Variants in SWT1 observed in about 807,000 individuals in gnomAD.
SWT1 encodes transcriptional protein SWT1.
In SWT1, 33 loss-of-function variants were observed where a neutral mutation model predicts 107.3. The ratio of observed to expected loss-of-function variants is 0.31; its 90% confidence interval spans 0.23 to 0.41. The LOEUF (loss-of-function observed/expected upper bound fraction) is 0.41, where lower values mean the gene tolerates loss of function less well. Ranked by LOEUF, SWT1 falls within the 10% of genes least tolerant of loss-of-function variation. SWT1 has a pLI of 1.00. For missense variants in SWT1, 898 were observed against 1,028.9 expected (o/e 0.87, Z 1.74); for synonymous variants, 345 against 348.3 (o/e 0.99, Z 0.11).
intron 16 of SWT1, among the ~76,000 whole-genome samples, chr1:185,247,686 T>G (rs1398800725): frequency 6.6e-6 from 1 of 152,154 alleles, no homozygotes; most frequent in Non-Finnish European, 1.5e-5. Context: ...GAAGGCTGAG[T>G]GCATTGTTCT....
At chr1:185,265,993 C>G (rs1663343591) in intron 16 of SWT1, among the ~76,000 whole-genome samples, 1 of 151,974 alleles carries the variant, frequency 6.6e-6, no homozygotes, top group Non-Finnish European at 1.5e-5. Flanking sequence ...TTATTCAGTT[C>G]TGTGGGTTGT....
At chr1:185,183,227 T>G (rs1656174015) in intron 7 of SWT1, among the ~76,000 whole-genome samples, 1 of 152,140 alleles carries the variant, frequency 6.6e-6, no homozygotes, top group Admixed American at 6.6e-5. Context: ...ATCCTCAAAA[T>G]GGTCCTATGC....
intron 9 of SWT1, among the ~76,000 whole-genome samples, chr1:185,185,218 C>A (rs562386566): frequency 6.6e-6 from 1 of 152,048 alleles, no homozygotes; most frequent in Non-Finnish European, 1.5e-5. Flanking sequence ...TTTAAAAATA[C>A]CATTGCTGAG....
chr1:185,198,125 C>T (rs1386455506), intron 10 of SWT1, among the ~76,000 whole-genome samples: 2 of 152,140 alleles, frequency 1.3e-5, no homozygotes, highest in Non-Finnish European at 2.9e-5. Context: ...CCCAGAGATT[C>T]TGTAACATTG....
intron 12 of SWT1, among the ~76,000 whole-genome samples, chr1:185,206,063 A>G (rs1399614490): frequency 5.3e-5 from 8 of 151,806 alleles, no homozygotes; most frequent in African/African-American, 1.7e-4. Context: ...GTTTCAAGCT[A>G]TTCTCCTGTC....
At chr1:185,172,498 T>C (rs1051248976) in intron 4 of SWT1, among the ~76,000 whole-genome samples, 1 of 152,250 alleles carries the variant, frequency 6.6e-6, no homozygotes, top group African/African-American at 2.4e-5. Flanking sequence ...ATTGTTTTGC[T>C]ATTATAAGTA....
intron 16 of SWT1, among the ~76,000 whole-genome samples, chr1:185,236,064 A>G (rs1380296808): frequency 2.0e-5 from 3 of 152,210 alleles, no homozygotes; most frequent in African/African-American, 4.8e-5. Flanking sequence ...AAACAAATAG[A>G]AAAACATTTC....
At chr1:185,172,279 C>A (rs1655140906) in intron 4 of SWT1, among the ~76,000 whole-genome samples, 1 of 152,132 alleles carries the variant, frequency 6.6e-6, no homozygotes, top group Non-Finnish European at 1.5e-5. Flanking sequence ...CATTTTAGCA[C>A]CTTTCTGGCC....
intron 2 of SWT1, 147 bp downstream of exon 2, chr1:185,161,072 T>TGGGG: frequency 1.3e-5 from 8 of 621,970 alleles, no homozygotes; most frequent in East Asian, 5.7e-5. Context: ...TTCCGGTTTT[T>TGGGG]TACTTGCATT....
At chr1:185,184,157 T>A in intron 7 of SWT1, 86 bp from the exon 8 acceptor site, 1 of 653,374 alleles carries the variant, frequency 1.5e-6, no homozygotes, top group Non-Finnish European at 2.6e-6. Context: ...TTTAATTGAA[T>A]TTTCAATGCT....
chr1:185,266,592 T>G (rs1167492135), intron 16 of SWT1: 1 of 152,200 alleles, frequency 6.6e-6, no homozygotes, highest in African/African-American at 2.4e-5. Flanking sequence ...TCTTTGTTCC[T>G]TCTCCACTCC....
chr1:185,242,559 G>T (rs946178723), intron 16 of SWT1, among the ~76,000 whole-genome samples: 2 of 152,110 alleles, frequency 1.3e-5, no homozygotes, highest in Admixed American at 6.6e-5. Flanking sequence ...CCCCTAGAGT[G>T]GACTTAGGTG....
intron 11 of SWT1, among the ~76,000 whole-genome samples, chr1:185,203,493 C>T (rs940437688): frequency 1.4e-4 from 21 of 151,896 alleles, no homozygotes; most frequent in Middle Eastern, 3.4e-3. Context: ...TGGTGGCGGG[C>T]GCCTGTAATC....
intron 7 of SWT1, among the ~76,000 whole-genome samples, chr1:185,182,933 C>G (rs538349847): frequency 1.3e-5 from 2 of 151,924 alleles, no homozygotes; most frequent in Non-Finnish European, 2.9e-5. Flanking sequence ...GTCAGGAGTT[C>G]GAGACCAGTC....
At chr1:185,171,161 A>C (rs1571404815) in intron 4 of SWT1, among the ~76,000 whole-genome samples, 1 of 58,514 alleles carries the variant, frequency 1.7e-5, no homozygotes, top group African/African-American at 7.2e-5. Flanking sequence ...TTCAAACAGG[A>C]AAAAAAAAAA....
intron 15 of SWT1, among the ~76,000 whole-genome samples, chr1:185,222,581 A>AC (rs1271696786): frequency 6.6e-6 from 1 of 151,208 alleles, no homozygotes; most frequent in Non-Finnish European, 1.5e-5. Flanking sequence ...ACATGGTGAA[A>AC]CCCCATCTCT....
intron 14 of SWT1, among the ~76,000 whole-genome samples, chr1:185,218,235 C>A (rs1396105486): frequency 2.0e-5 from 3 of 152,052 alleles, no homozygotes; most frequent in Admixed American, 1.3e-4. Flanking sequence ...TGTAGAAAAT[C>A]AGGAAGAGAG....
intron 13 of SWT1, among the ~76,000 whole-genome samples, chr1:185,207,811 G>A (rs1417420674): frequency 6.6e-6 from 1 of 152,132 alleles, no homozygotes; most frequent in Non-Finnish European, 1.5e-5. Flanking sequence ...TGAGGTGGGA[G>A]GATCATCTGA....
intron 15 of SWT1, among the ~76,000 whole-genome samples, chr1:185,230,744 G>C (rs1316034187): frequency 6.6e-6 from 1 of 151,972 alleles, no homozygotes; most frequent in Admixed American, 6.6e-5. Flanking sequence ...GTGTGTGTGT[G>C]TGTGTGTGTT....
Sources: allele counts gnomAD v4.1 joint callset (sites outside exome capture counted in the v4.1 genomes callset), GRCh38; gene constraint gnomAD v4.1.1; transcripts MANE v1.5; gene names NCBI Gene and HGNC (gene_info 2026-07-23, HGNC 2026-07-21).